The following CD226 variants were observed in gnomAD, a reference collection of about 807,000 sequenced individuals.
CD226 encodes the protein CD226 molecule.
Under a neutral mutation model 34.9 loss-of-function variants are expected in CD226, and 24 were observed. The ratio of observed to expected loss-of-function variants is 0.69; its 90% CI spans 0.50 to 0.97. The LOEUF is 0.97. CD226 is among the 50% of genes least tolerant of loss of function. CD226 has a pLI of 0.00. For synonymous variants in CD226, 148 were observed against 147.4 expected, an observed-to-expected ratio of 1.00 and a Z score of -0.03; for missense variants, 397 against 412.7, an observed-to-expected ratio of 0.96 and a Z score of 0.33.
chr18:69,931,349 T>A lies in CD226; in HGVS notation c.382+15385A>T, dbSNP rs149438517. Among the ~76,000 whole-genome samples the A allele has an allele frequency of 5.0e-3, 758 of 152,014 alleles. 6 individuals are homozygous for A. The highest frequency in any genetic ancestry group is 5.9e-3 in the Non-Finnish European group (401 of 67,986). ...TATACATATGTAACAAACCTGCATG[T>A]TGTGCACATGTACCCTAAAACTTAA... On this transcript the variant is annotated intron_variant, in intron 2 of 5. Transcript: ENST00000582621.
chr18:69,934,283 C>T (rs11661760), intron 2 of CD226, among the ~76,000 whole-genome samples: 9,518 of 47,738 alleles, frequency 0.2, 391 homozygotes, highest in East Asian at 0.45. Flanking sequence ...AGAGGATACA[C>T]ACACACACAC....
At chr18:69,901,680 C>T (rs1211717052) in intron 2 of CD226, among the ~76,000 whole-genome samples, 2 of 152,026 alleles carry the variant, frequency 1.3e-5, no homozygotes, top group Admixed American at 6.6e-5. Flanking sequence ...GAGATCAAGA[C>T]CATCCTGGCT....
intron 2 of CD226, among the ~76,000 whole-genome samples, chr18:69,926,845 G>A (rs2055528049): frequency 6.6e-6 from 1 of 152,212 alleles, no homozygotes; most frequent in Admixed American, 6.5e-5. Context: ...ATCACCAGAT[G>A]AGTTAGGAGC....
intron 3 of CD226, among the ~76,000 whole-genome samples, chr18:69,877,502 C>A (rs1234725213): frequency 6.6e-6 from 1 of 152,040 alleles, no homozygotes; most frequent in Non-Finnish European, 1.5e-5. Context: ...TGGGACTGGG[C>A]AAAAAGCATA....
chr18:69,938,685 T>C (rs2055685191), intron 2 of CD226, among the ~76,000 whole-genome samples: 2 of 152,256 alleles, frequency 1.3e-5, no homozygotes, highest in African/African-American at 2.4e-5. Flanking sequence ...TTGCTGAAAC[T>C]TACCTCTACC....
chr18:69,882,081 A>G (rs1984297211), intron 3 of CD226, among the ~76,000 whole-genome samples: 1 of 152,212 alleles, frequency 6.6e-6, no homozygotes. Flanking sequence ...CTTTTCCTCA[A>G]AATAAAAGTA....
chr18:69,933,427 C>A (rs1265742994), intron 2 of CD226, among the ~76,000 whole-genome samples: 1 of 152,176 alleles, frequency 6.6e-6, no homozygotes, highest in East Asian at 1.9e-4. Flanking sequence ...TTCCTGCCAG[C>A]CCTTGTCTCC....
At chr18:69,889,786 C>T (rs1452755722) in intron 3 of CD226, among the ~76,000 whole-genome samples, 2 of 152,136 alleles carry the variant, frequency 1.3e-5, no homozygotes, top group East Asian at 3.9e-4. Context: ...CCTTGTCAAT[C>T]CTATACCTCA....
At chr18:69,907,754 G>A (rs2055273959) in intron 2 of CD226, among the ~76,000 whole-genome samples, 2 of 152,158 alleles carry the variant, frequency 1.3e-5, no homozygotes, top group African/African-American at 4.8e-5. Context: ...TCAGACAGAA[G>A]ACATAGGATT....
At chr18:69,932,044 T>C (rs2055595623) in intron 2 of CD226, among the ~76,000 whole-genome samples, 1 of 152,184 alleles carries the variant, frequency 6.6e-6, no homozygotes, top group Non-Finnish European at 1.5e-5. Flanking sequence ...AAACCAGTCA[T>C]ATTGGATTAG....
At chr18:69,898,337 G>A (rs1985418710) in intron 2 of CD226, among the ~76,000 whole-genome samples, 1 of 152,106 alleles carries the variant, frequency 6.6e-6, no homozygotes, top group South Asian at 2.1e-4. Flanking sequence ...CTTCTCTCTG[G>A]ATGCCGCCCC....
At chr18:69,949,048 G>T (rs1371976649), upstream of CD226, among the ~76,000 whole-genome samples, 1 of 152,190 alleles carries the variant, frequency 6.6e-6, no homozygotes, top group Admixed American at 6.5e-5. Flanking sequence ...TTCAGGAAAT[G>T]GTGTGACTAC....
At chr18:69,898,146 G>A (rs564507679) in intron 2 of CD226, among the ~76,000 whole-genome samples, 3 of 151,900 alleles carry the variant, frequency 2.0e-5, no homozygotes, top group Admixed American at 6.6e-5. Context: ...AAGGAAATGC[G>A]TGACAACATA....
Position 69,858,621 on chromosome 18 carries a change from C to T in CD226, c.*5693G>A, listed in dbSNP as rs3018275. On this transcript the variant is annotated 3_prime_UTR_variant, in exon 6 of 6. Coordinates refer to ENST00000582621, the MANE Select transcript of CD226 (RefSeq NM_001303618.2). ...TGCAGGAAACGAGTGTTTCCTGCCT[C>T]GTTTCCCACTGGAGTTGCCACATGT... 0.48 allele frequency: 71,771 copies of T among 150,866 alleles called. 18,056 individuals carry two copies. Among genetic ancestry groups the T allele is most frequent in the East Asian group, 0.73 (3,752 of 5,152 alleles). 9.3% of individuals were successfully genotyped at this position (150,866 alleles called of 1,614,324 possible). A position where few individuals can be genotyped will look rare whatever the true frequency, so the allele number is the denominator to read the frequency against.
chr18:69,884,836 T>A (rs2145216712), intron 3 of CD226, among the ~76,000 whole-genome samples: 1 of 152,338 alleles, frequency 6.6e-6, no homozygotes, highest in Middle Eastern at 3.4e-3. Flanking sequence ...TCATTCATCT[T>A]TAGAGCATGT....
intron 1 of CD226, among the ~76,000 whole-genome samples, chr18:69,955,497 C>T (rs764034208): frequency 1.2e-4 from 19 of 152,300 alleles, no homozygotes; most frequent in South Asian, 1.0e-3. Context: ...GCTCCCTCCA[C>T]TCCTTCTCAG....
chr18:69,891,546 A>G (rs1174350861), intron 3 of CD226, among the ~76,000 whole-genome samples: 1 of 152,204 alleles, frequency 6.6e-6, no homozygotes, highest in East Asian at 1.9e-4. Flanking sequence ...AAGTAATATT[A>G]TCTCTGTTTG....
rs1278160932 is a variant in CD226, at chr18:69,862,247, GT to G, written c.*2066del. 2 of 152,164 alleles carry G rather than the reference GT, an allele frequency of 1.3e-5. No homozygotes were observed. The highest frequency in any genetic ancestry group is 3.9e-4 in the East Asian group (2 of 5,172). The allele number at this position is 152,164 out of a possible 1,614,324, so 9.4% of individuals were successfully genotyped here. ...TTCCCCATACTACAACTGTAAAAAT[GT>G]TTTCCTGCTCACATACACTAATCAT... On this transcript the variant is annotated 3_prime_UTR_variant, in exon 6 of 6. Coordinates refer to ENST00000582621, the MANE Select transcript of CD226 (RefSeq NM_001303618.2).
intron 4 of CD226, among the ~76,000 whole-genome samples, chr18:69,870,774 T>C (rs1438971982): frequency 1.3e-5 from 2 of 152,250 alleles, no homozygotes; most frequent in Non-Finnish European, 1.5e-5. Context: ...GTCTGATTTA[T>C]GTTGGCTTCT....
Sources: allele counts gnomAD v4.1 joint callset (sites outside exome capture counted in the v4.1 genomes callset), GRCh38; gene constraint gnomAD v4.1.1; transcripts MANE v1.5; gene names NCBI Gene and HGNC (gene_info 2026-07-23, HGNC 2026-07-21).